The following UNC79 variants were observed in gnomAD, a reference collection of about 807,000 sequenced individuals.
UNC79 encodes the protein unc-79 subunit of NALCN channel complex, also known as protein unc-79 homolog.
UNC79 carries 37 observed loss-of-function variants against 283.1 expected under a neutral mutation model. The ratio of observed to expected loss-of-function variants is 0.13; its 90% CI spans 0.10 to 0.17. The LOEUF is 0.17. UNC79 is among the 10% of genes least tolerant of loss of function. UNC79 has a pLI of 1.00. For synonymous variants in UNC79, 1,107 were observed against 1,200.2 expected (o/e 0.92, Z 1.61); for missense variants, 2,272 against 3,211.1 (o/e 0.71, Z 7.07).
intron 4 of UNC79, among the ~76,000 whole-genome samples, chr14:93,479,144 G>GT (rs1158408361): frequency 6.6e-6 from 1 of 151,532 alleles, no homozygotes; most frequent in Non-Finnish European, 1.5e-5. Flanking sequence ...AGAATTTTTG[G>GT]TTTTTTGAAG....
At chr14:93,343,488 GACAGATGCAAATACAAAGAGAAA>G (rs1238902162) in intron 1 of UNC79, among the ~76,000 whole-genome samples, 2 of 152,178 alleles carry the variant, frequency 1.3e-5, no homozygotes, top group African/African-American at 4.8e-5. Context: ...CAATTGTAAA[GACAGATGCAAATACAAAGAGAAA>G]CACTTTGTTC....
chr14:93,548,117 C>T (rs896566115), intron 14 of UNC79, among the ~76,000 whole-genome samples: 5 of 152,122 alleles, frequency 3.3e-5, no homozygotes, highest in Non-Finnish European at 5.9e-5. Context: ...AAAAAAATAC[C>T]ATAGACTGGG....
chr14:93,558,764 A>G (rs1172393373), intron 14 of UNC79, among the ~76,000 whole-genome samples: 1 of 151,902 alleles, frequency 6.6e-6, no homozygotes, highest in African/African-American at 2.4e-5. Flanking sequence ...ATAAGAGCAG[A>G]GCAGCTTTTG....
At chr14:93,679,046 AT>A (rs1486854136) in intron 41 of UNC79, among the ~76,000 whole-genome samples, 1 of 152,104 alleles carries the variant, frequency 6.6e-6, no homozygotes, top group Non-Finnish European at 1.5e-5. Context: ...TTTATGTGTA[AT>A]AGGTTATTAT....
chr14:93,407,415 A>G (rs751337867), intron 1 of UNC79, among the ~76,000 whole-genome samples: 11 of 152,216 alleles, frequency 7.2e-5, no homozygotes, highest in Non-Finnish European at 1.3e-4. Flanking sequence ...CTTGAGACAT[A>G]AAAACTCTTG....
At chr14:93,500,263 C>T (rs1043014279) in intron 7 of UNC79, among the ~76,000 whole-genome samples, 9 of 152,186 alleles carry the variant, frequency 5.9e-5, no homozygotes, top group East Asian at 1.9e-4. Flanking sequence ...TTCATCTTAG[C>T]GTACCAAGAT....
chr14:93,412,217 G>A (rs1487573332), intron 1 of UNC79, among the ~76,000 whole-genome samples: 1 of 152,108 alleles, frequency 6.6e-6, no homozygotes, highest in Non-Finnish European at 1.5e-5. Context: ...CTTGAAGGCA[G>A]CCTATGTGAA....
chr14:93,370,118 C>G (rs1243745529), intron 1 of UNC79, among the ~76,000 whole-genome samples: 1 of 152,134 alleles, frequency 6.6e-6, no homozygotes, highest in Non-Finnish European at 1.5e-5. Flanking sequence ...CTATTTATGG[C>G]AGTTCCTTTT....
chr14:93,643,953 C>T (rs887507576), intron 34 of UNC79, among the ~76,000 whole-genome samples: 1 of 152,220 alleles, frequency 6.6e-6, no homozygotes, highest in African/African-American at 2.4e-5. Flanking sequence ...CTGTTTGTTA[C>T]CCCTGTCACT....
At chr14:93,594,492 A>G (rs2064918833) in intron 23 of UNC79, among the ~76,000 whole-genome samples, 1 of 151,438 alleles carries the variant, frequency 6.6e-6, no homozygotes, top group South Asian at 2.1e-4. Context: ...CTGGTCTTGA[A>G]CTCCTGACCT....
intron 24 of UNC79, among the ~76,000 whole-genome samples, chr14:93,598,379 TG>T (rs2065235456): frequency 6.6e-6 from 1 of 151,192 alleles, no homozygotes; most frequent in Non-Finnish European, 1.5e-5. Flanking sequence ...TGTGTGTGTG[TG>T]TGTGTGTGTG....
Position 93,603,255 on chromosome 14 carries a change from G to C in UNC79, c.3591G>C (p.Arg1197Ser), listed in dbSNP as rs1456247518. The change falls in exon 26 of 49, where the codon AGG becomes AGC. Residue 1197 changes from arginine to serine, a missense_variant. Around this residue, in one of 11 missense-constraint regions of UNC79, gnomAD observed 237 missense variants for 378.9 expected, o/e 0.63. Coordinates refer to ENST00000555664, the Ensembl canonical transcript of UNC79. The stretch of plus-strand genomic sequence containing the variant: ...TTTGCAAAGCCATCACTGCTGTGAG[G>C]ACCAATGTTGCTAACCTCAGCGATG... 3 of 1,614,128 alleles carry C rather than the reference G, an allele frequency of 1.9e-6. No individual in the cohort carries two copies. Among genetic ancestry groups the C allele is most frequent in the Non-Finnish European group, 2.5e-6 (3 of 1,180,000 alleles).
chr14:93,357,758 T>G lies in UNC79; in HGVS notation c.-351+24235T>G, dbSNP rs1486432192. Reference sequence around the variant, plus strand: ...GTATATATATATATGGATATATGGATATATATATATGGATATGTGGATATA... The same window carrying G: ...GTATATATATATATGGATATATGGAGATATATATATGGATATGTGGATATA... On this transcript the variant is annotated intron_variant, in intron 1 of 49. Coordinates refer to the UNC79 transcript ENST00000256339. Among the ~76,000 whole-genome samples, 3 of 136,730 alleles carry G rather than the reference T, an allele frequency of 2.2e-5. No homozygotes were observed. The Admixed American group carries it at 2.3e-4, about 10-fold the overall frequency. 89.7% of individuals were successfully genotyped at this position (136,730 alleles called of 152,430 possible).
chr14:93,353,265 A>C (rs1451512871), intron 1 of UNC79, among the ~76,000 whole-genome samples: 2 of 152,170 alleles, frequency 1.3e-5, no homozygotes, highest in African/African-American at 4.8e-5. Context: ...GTGCAGTGGC[A>C]CAGTCACAGC....
chr14:93,646,759 C>T (rs1312675213), intron 35 of UNC79, 113 bp downstream of exon 38: 2 of 1,197,972 alleles, frequency 1.7e-6, no homozygotes, highest in South Asian at 1.4e-5. Flanking sequence ...TCTGTAATCT[C>T]AGCACTTTGG....
At chr14:93,484,078 G>T (rs2058284706) in intron 4 of UNC79, among the ~76,000 whole-genome samples, 1 of 152,128 alleles carries the variant, frequency 6.6e-6, no homozygotes, top group Non-Finnish European at 1.5e-5. Context: ...GGGATTTCTA[G>T]TTCTAGATCC....
At position 93,467,798 on chromosome 14, in the gene UNC79, T is replaced by C; in HGVS notation, c.143+7T>C. ...TTTCTCAGACCTTGTTAAGGTAAGC[T>C]TTACAATATCCTCTACTTTGAGAGA... On this transcript the variant is annotated splice_region_variant and intron_variant, in intron 2 of 48. Transcript: ENST00000555664. 1 of 1,502,028 alleles carries C rather than the reference T, an allele frequency of 6.7e-7. No homozygotes were observed. Among genetic ancestry groups the C allele is most frequent in the Middle Eastern group, 1.7e-4 (1 of 5,938 alleles). 93.0% of individuals were successfully genotyped at this position (1,502,028 alleles called of 1,614,324 possible). A position where few individuals can be genotyped will look rare whatever the true frequency, so the allele number is the denominator to read the frequency against.
intron 41 of UNC79, among the ~76,000 whole-genome samples, chr14:93,680,338 G>T (rs978635695): frequency 2.0e-5 from 3 of 152,130 alleles, no homozygotes; most frequent in Non-Finnish European, 4.4e-5. Context: ...GACCTCAAGG[G>T]CCCATCCAGG....
At chr14:93,346,473 C>A (rs1679459735) in intron 1 of UNC79, among the ~76,000 whole-genome samples, 1 of 152,158 alleles carries the variant, frequency 6.6e-6, no homozygotes, top group Non-Finnish European at 1.5e-5. Flanking sequence ...CACAGTGAGA[C>A]CTGTCTCTAC....
Sources: gnomAD v4.1 joint callset for allele counts (sites outside exome capture counted in the v4.1 genomes callset) on GRCh38, gnomAD v4.1.1 for gene constraint, gnomAD v4.1.1 regional missense constraint, MANE v1.5 for transcripts, NCBI Gene and HGNC (gene_info 2026-07-23, HGNC 2026-07-21) for gene names.